The following NHSL1 variants were observed in gnomAD, a reference collection of about 807,000 sequenced individuals.
NHSL1 encodes NHS-like protein 1.
NHSL1 carries 48 observed loss-of-function variants against 95.0 expected under a neutral mutation model. The ratio of observed to expected loss-of-function variants is 0.51; its 90% CI spans 0.40 to 0.64. NHSL1 has a LOEUF of 0.64. Among genes scored for constraint, NHSL1 ranks in the 30% least tolerant of loss-of-function variants. The probability of loss-of-function intolerance (pLI) is 0.00; values close to 1 mark genes in which losing one functional copy is unlikely to be tolerated. For missense variants in NHSL1, 1,971 were observed against 2,077.7 expected (o/e 0.95, Z 1.00); for synonymous variants, 783 against 833.9 (o/e 0.94, Z 1.05).
At chr6:138,476,185 A>C (rs1179617172) in intron 2 of NHSL1, among the ~76,000 whole-genome samples, 9 of 152,232 alleles carry the variant, frequency 5.9e-5, no homozygotes, top group Non-Finnish European at 8.8e-5. Flanking sequence ...GAAAAAAGAT[A>C]CCTGCACTCA....
chr6:138,507,031 C>G (rs1780997228), intron 1 of NHSL1, among the ~76,000 whole-genome samples: 1 of 152,174 alleles, frequency 6.6e-6, no homozygotes, highest in Admixed American at 6.5e-5. Context: ...CTGTTCATTT[C>G]TTAGTAGTCT....
intron 1 of NHSL1, among the ~76,000 whole-genome samples, chr6:138,525,954 G>A (rs1004581049): frequency 7.2e-5 from 11 of 151,918 alleles, no homozygotes; most frequent in African/African-American, 2.7e-4. Flanking sequence ...GAAATTAGCT[G>A]TGGTGGGAGG....
At chr6:138,607,098 G>A (rs976115066) in intron 1 of NHSL1, among the ~76,000 whole-genome samples, 2 of 152,136 alleles carry the variant, frequency 1.3e-5, no homozygotes, top group Admixed American at 6.6e-5. Flanking sequence ...TGTAGGTAAT[G>A]CTCCACACTG....
rs59958557 is a variant in NHSL1, at chr6:138,514,318, A to AAAACAAACAAAC, written c.17-17959_17-17948dup. On this transcript the variant is annotated intron_variant, in intron 1 of 4. Coordinates refer to the NHSL1 transcript ENST00000342260. ...GGGTGACAGAGCAAGACTCCATCTCAAAACAAACAAACAAACAAACAAACA... is the reference window on the plus strand; with the variant it reads ...GGGTGACAGAGCAAGACTCCATCTCAAAACAAACAAACAAACAAACAAACAAACAAACAAACA... 5.8e-3 allele frequency among the ~76,000 whole-genome samples: 871 copies of AAAACAAACAAAC among 149,814 alleles called. 9 individuals carry two copies. The highest frequency in any genetic ancestry group is 0.021 in the African/African-American group (836 of 40,530).
intron 1 of NHSL1, among the ~76,000 whole-genome samples, chr6:138,516,903 G>A (rs1210290231): frequency 6.6e-6 from 1 of 152,162 alleles, no homozygotes; most frequent in Admixed American, 6.5e-5. Flanking sequence ...CCAAAGTGCT[G>A]GGATTACAGG....
chr6:138,486,942 GT>G (rs1270206758), intron 2 of NHSL1, among the ~76,000 whole-genome samples: 1 of 152,234 alleles, frequency 6.6e-6, no homozygotes, highest in African/African-American at 2.4e-5. Context: ...TCCAGGAAAG[GT>G]TGTGGGGGAC....
In NHSL1 at chr6:138,431,553, G is replaced by A; in HGVS notation, c.2792C>T (p.Pro931Leu). 6.4e-7 allele frequency: 1 copy of A among 1,551,180 alleles called. No homozygotes were observed. Among genetic ancestry groups the A allele is most frequent in the Non-Finnish European group, 8.7e-7 (1 of 1,146,674 alleles). Residue 931 changes from proline to leucine, a missense_variant, in exon 6 of 8, where the codon CCT becomes CTT. Transcript: ENST00000343505. This position sits in a 1 kb window ranked among gnomAD's most constrained non-coding sequence, Gnocchi z 4.0. Reference protein sequence around the residue: ...DPAVGSPPAPPPPPVPSPPFP... With the variant: ...DPAVGSPPAPLPPPVPSPPFP... ...TGGAGGAGAGGGAACAGGAGGAGGA[G>A]GAGGAGCCGGGGGAGAGCCCACGGC...
chr6:138,596,567 A>G (rs1437004842), intron 1 of NHSL1, among the ~76,000 whole-genome samples: 1 of 152,224 alleles, frequency 6.6e-6, no homozygotes, highest in African/African-American at 2.4e-5. Context: ...ACTGTATTTC[A>G]TTTGTTAAAA....
intron 1 of NHSL1, among the ~76,000 whole-genome samples, chr6:138,603,865 A>C (rs11962732): frequency 0.028 from 4,302 of 152,298 alleles, 196 homozygotes; most frequent in African/African-American, 0.098. Context: ...AACCACATAT[A>C]AAAGAGAGAA....
At chr6:138,437,590 A>G (rs769827130) in intron 5 of NHSL1, among the ~76,000 whole-genome samples, 5 of 152,080 alleles carry the variant, frequency 3.3e-5, no homozygotes, top group Non-Finnish European at 7.4e-5. Flanking sequence ...TTAATTTTGT[A>G]ATGCATTTTG....
intron 2 of NHSL1, among the ~76,000 whole-genome samples, chr6:138,489,839 AG>A (rs1562321435): frequency 2.7e-5 from 2 of 73,474 alleles, no homozygotes; most frequent in Non-Finnish European, 5.1e-5. Context: ...AGAGAGAGAG[AG>A]AGAGGGAGAG....
chr6:138,449,906 A>C (rs1163800211), intron 3 of NHSL1, among the ~76,000 whole-genome samples: 2 of 152,192 alleles, frequency 1.3e-5, no homozygotes, highest in African/African-American at 2.4e-5. Context: ...TTTTCCACCT[A>C]AGGAAAATGT....
chr6:138,489,952 A>AGAGGG (rs1583291320), intron 2 of NHSL1, among the ~76,000 whole-genome samples: 1 of 28,634 alleles, frequency 3.5e-5, no homozygotes, highest in African/African-American at 1.8e-4. Flanking sequence ...GAGGGAGAGA[A>AGAGGG]GGAGAGAGGG....
upstream of NHSL1, chr6:138,692,730 C>T (rs1188953373): frequency 5.9e-5 from 9 of 151,598 alleles, no homozygotes; most frequent in East Asian, 1.7e-3. The surrounding 1 kb of genome is among the most constrained non-coding windows in gnomAD (Gnocchi z 4.0). Context: ...CCGGCGCAGC[C>T]GCGCGGGCTC....
In NHSL1 at chr6:138,659,162, G is replaced by T. The variant is rs1331381564; in HGVS notation, c.96+33314C>A. ...CTTTCCGAGTTCAAGTGATTCTCCT[G>T]CCTTAGCCTCCTGAGACGCTGGGAT... is the stretch of plus-strand genomic sequence containing the variant. On this transcript the variant is annotated intron_variant, in intron 1 of 3. Transcript: ENST00000491526. 2.7e-5 allele frequency among the ~76,000 whole-genome samples: 4 copies of T among 148,708 alleles called. No homozygotes were observed. The Admixed American group carries it at 2.8e-4, about 10-fold the overall frequency.
chr6:138,653,639 A>G (rs1270135847), intron 1 of NHSL1, among the ~76,000 whole-genome samples: 2 of 152,180 alleles, frequency 1.3e-5, no homozygotes, highest in Non-Finnish European at 2.9e-5. Context: ...TGCCACAATC[A>G]AGTATGAAAC....
chr6:138,426,517 C>T (rs897330128), intron 7 of NHSL1, among the ~76,000 whole-genome samples: 1 of 152,206 alleles, frequency 6.6e-6, no homozygotes, highest in African/African-American at 2.4e-5. Flanking sequence ...CACAGTTTGT[C>T]AGTACTCATG....
chr6:138,482,169 C>T (rs1418300162), intron 2 of NHSL1, among the ~76,000 whole-genome samples: 4 of 152,164 alleles, frequency 2.6e-5, no homozygotes, highest in Non-Finnish European at 5.9e-5. Flanking sequence ...GAAGATGAAG[C>T]CGGGCGTGGT....
chr6:138,549,212 T>G (rs1355298457), upstream of NHSL1, among the ~76,000 whole-genome samples: 5 of 152,074 alleles, frequency 3.3e-5, no homozygotes, highest in African/African-American at 1.2e-4. Flanking sequence ...GGAGAAACCC[T>G]GTCTCTACTA....
Sources: gnomAD v4.1 joint callset for allele counts (sites outside exome capture counted in the v4.1 genomes callset) on GRCh38, gnomAD v4.1.1 for gene constraint, Gnocchi (gnomAD v3.1) non-coding constraint, MANE v1.5 for transcripts, NCBI Gene and HGNC (gene_info 2026-07-23, HGNC 2026-07-21) for gene names.